The following ADAMTS17 variants were observed in gnomAD, a reference collection of about 807,000 sequenced individuals.
ADAMTS17 encodes the protein ADAM metallopeptidase with thrombospondin type 1 motif 17.
Under a neutral mutation model 141.5 loss-of-function variants are expected in ADAMTS17, and 113 were observed. That is an observed-to-expected ratio of 0.80 (90% CI 0.69 to 0.93). ADAMTS17 has a LOEUF of 0.93. Ranked by LOEUF, ADAMTS17 falls within the 40% of genes least tolerant of loss-of-function variation. The probability of loss-of-function intolerance (pLI) is 0.00; values close to 1 mark genes in which losing one functional copy is unlikely to be tolerated. For missense variants in ADAMTS17, 1,659 were observed against 1,517.9 expected, an observed-to-expected ratio of 1.09 and a Z score of -1.54; for synonymous variants, 768 against 630.6, an observed-to-expected ratio of 1.22 and a Z score of -3.27.
At chr15:100,272,988 C>CT (rs539236204) in intron 4 of ADAMTS17, among the ~76,000 whole-genome samples, 233 of 152,124 alleles carry the variant, frequency 1.5e-3, no homozygotes, top group Non-Finnish European at 2.2e-3. Flanking sequence ...AAGTATATCA[C>CT]TTTTTTTATT....
chr15:100,133,450 G>C, intron 10 of ADAMTS17, 135 bp from the exon 11 acceptor site: 1 of 781,268 alleles, frequency 1.3e-6, no homozygotes, highest in South Asian at 1.5e-5. Flanking sequence ...AGGGTCATAA[G>C]TCTGTATGTC....
chr15:100,341,515 G>A, intron 1 of ADAMTS17, 106 bp from the exon 2 acceptor site: 1 of 970,482 alleles, frequency 1.0e-6, no homozygotes, highest in Non-Finnish European at 1.2e-6. Context: ...ACCCGGAGCC[G>A]GCGCTGCCTT....
chr15:100,115,446 T>A (rs534955296), intron 13 of ADAMTS17, among the ~76,000 whole-genome samples: 29 of 152,376 alleles, frequency 1.9e-4, no homozygotes, highest in African/African-American at 6.3e-4. Flanking sequence ...GGTGGTGTTC[T>A]TTTTAAAAAA....
rs368571518 is a variant in ADAMTS17 at position 100,168,763 on chromosome 15, T to C, written c.1182-13443A>G. On this transcript the variant is annotated intron_variant, in intron 8 of 21. Transcript: ENST00000268070. ...AAATCTCCCCACTCAATGCATCCTC[T>C]GGGGTCTGCAACCCCAAGCTCTGCG... 3.9e-4 allele frequency: 59 copies of C among 152,370 alleles called. 1 individual carries two copies. The highest frequency in any genetic ancestry group is 1.3e-3 in the African/African-American group (55 of 41,584). 9.4% of individuals were successfully genotyped at this position (152,370 alleles called of 1,614,324 possible). A position where few individuals can be genotyped will look rare whatever the true frequency, so the allele number is the denominator to read the frequency against.
intron 15 of ADAMTS17, among the ~76,000 whole-genome samples, chr15:100,086,491 C>T (rs912549643): frequency 1.8e-4 from 27 of 152,104 alleles, no homozygotes; most frequent in Admixed American, 1.2e-3. Flanking sequence ...CTGCACCAAG[C>T]AGACCTAATA....
chr15:100,218,153 G>A (rs773025902), intron 7 of ADAMTS17, among the ~76,000 whole-genome samples: 2 of 152,160 alleles, frequency 1.3e-5, no homozygotes, highest in African/African-American at 2.4e-5. Context: ...GACTGCAGGC[G>A]TGAGCCACTG....
chr15:100,109,323 A>C (rs35095090), intron 13 of ADAMTS17, among the ~76,000 whole-genome samples: 2 of 151,758 alleles, frequency 1.3e-5, no homozygotes, highest in African/African-American at 2.4e-5. Context: ...CTCTGTGGGG[A>C]TGCCTTCTCT....
At chr15:100,252,711 G>A (rs1277608270) in intron 7 of ADAMTS17, among the ~76,000 whole-genome samples, 1 of 152,192 alleles carries the variant, frequency 6.6e-6, no homozygotes, top group Non-Finnish European at 1.5e-5. Flanking sequence ...CCTTTGTCTA[G>A]CAATTCCCTC....
chr15:100,169,367 C>T (rs915128764), intron 8 of ADAMTS17, among the ~76,000 whole-genome samples: 8 of 152,108 alleles, frequency 5.3e-5, no homozygotes, highest in Admixed American at 2.0e-4. Flanking sequence ...ATTGACAGAG[C>T]AGAGAAAGGA....
At chr15:99,985,416 C>G (rs2060565418) in intron 20 of ADAMTS17, among the ~76,000 whole-genome samples, 1 of 152,176 alleles carries the variant, frequency 6.6e-6, no homozygotes, top group African/African-American at 2.4e-5. Context: ...TCAATAAGGA[C>G]TCAACTTTTA....
intron 18 of ADAMTS17, among the ~76,000 whole-genome samples, chr15:100,001,356 T>G (rs960604291): frequency 7.0e-6 from 1 of 143,610 alleles, no homozygotes; most frequent in Non-Finnish European, 1.5e-5. Flanking sequence ...TCTTTTCCTT[T>G]TTTTTTTTTT....
At chr15:100,227,710 C>G (rs995379465) in intron 7 of ADAMTS17, among the ~76,000 whole-genome samples, 3 of 152,202 alleles carry the variant, frequency 2.0e-5, no homozygotes, top group Admixed American at 6.5e-5. Context: ...TGCCAGCAGG[C>G]CTTTGCTTAG....
chr15:100,024,100 G>T (rs1056795743), intron 18 of ADAMTS17, among the ~76,000 whole-genome samples: 21 of 148,442 alleles, frequency 1.4e-4, no homozygotes, highest in South Asian at 1.3e-3. Flanking sequence ...ATTTTTTTTT[G>T]TTGTTGTTGT....
intron 15 of ADAMTS17, among the ~76,000 whole-genome samples, chr15:100,093,885 T>G (rs1482819709): frequency 6.6e-6 from 1 of 152,056 alleles, no homozygotes; most frequent in African/African-American, 2.4e-5. Context: ...ATTGCGTGAT[T>G]GGGCTTGGGG....
intron 4 of ADAMTS17, among the ~76,000 whole-genome samples, chr15:100,267,856 C>A (rs536143094): frequency 6.6e-6 from 1 of 152,208 alleles, no homozygotes; most frequent in African/African-American, 2.4e-5. Context: ...TCACCTTAAG[C>A]ATTTATCCTT....
chr15:100,331,083 G>A, intron 2 of ADAMTS17, 29 bp from the exon 3 acceptor site: 2 of 1,613,752 alleles, frequency 1.2e-6, no homozygotes, highest in Non-Finnish European at 1.7e-6. Flanking sequence ...GAAACGCGAT[G>A]TCGGTCATCC....
At chr15:100,202,277 T>C (rs984559126) in intron 7 of ADAMTS17, among the ~76,000 whole-genome samples, 4 of 152,244 alleles carry the variant, frequency 2.6e-5, no homozygotes, top group Admixed American at 6.5e-5. Flanking sequence ...CTTCCAATAA[T>C]TGCATTTTAA....
At chr15:100,120,562 T>C (rs942942575) in intron 12 of ADAMTS17, among the ~76,000 whole-genome samples, 2 of 152,194 alleles carry the variant, frequency 1.3e-5, no homozygotes, top group Non-Finnish European at 2.9e-5. Context: ...GCCAGACATT[T>C]AGGCACAAAG....
chr15:100,222,414 T>C (rs1290581695), intron 7 of ADAMTS17, among the ~76,000 whole-genome samples: 1 of 152,180 alleles, frequency 6.6e-6, no homozygotes. Flanking sequence ...TAAGCGTGGC[T>C]TTGTTCTGCC....
Sources: allele counts gnomAD v4.1 joint callset (sites outside exome capture counted in the v4.1 genomes callset), GRCh38; gene constraint gnomAD v4.1.1; transcripts MANE v1.5; gene names NCBI Gene and HGNC (gene_info 2026-07-23, HGNC 2026-07-21).